The following TTC7B variants were observed in gnomAD, a reference collection of about 807,000 sequenced individuals.
TTC7B encodes the protein tetratricopeptide repeat domain 7B.
Under a neutral mutation model 106.8 loss-of-function variants are expected in TTC7B, and 28 were observed. That is an observed-to-expected ratio of 0.26 (90% CI 0.19 to 0.36). TTC7B has a LOEUF of 0.36. TTC7B is among the 10% of genes least tolerant of loss of function. The probability of loss-of-function intolerance (pLI) is 1.00; values close to 1 mark genes in which losing one functional copy is unlikely to be tolerated. For synonymous variants in TTC7B, 405 were observed against 430.6 expected (o/e 0.94, Z 0.74); for missense variants, 862 against 1,076.4 (o/e 0.80, Z 2.79).
chr14:90,727,283 T>A (rs933676314), intron 5 of TTC7B, among the ~76,000 whole-genome samples: 2 of 152,056 alleles, frequency 1.3e-5, no homozygotes, highest in African/African-American at 2.4e-5. Context: ...ATCCCTCCCA[T>A]CGACTCCATC....
At chr14:90,702,795 C>T (rs765973536) in intron 5 of TTC7B, among the ~76,000 whole-genome samples, 8 of 152,156 alleles carry the variant, frequency 5.3e-5, no homozygotes, top group Non-Finnish European at 1.0e-4. Flanking sequence ...GCCTTGTGGT[C>T]ACCCTCCTGG....
Position 90,659,845 on chromosome 14 carries a change from A to G in TTC7B, c.1153-1458T>C, listed in dbSNP as rs1162862072. Among the ~76,000 whole-genome samples the G allele has an allele frequency of 3.3e-5, 5 of 152,332 alleles. No homozygotes were observed. In the East Asian group the frequency reaches 9.6e-4, roughly 29 times the overall value. On this transcript the variant is annotated intron_variant, in intron 9 of 19. Coordinates refer to ENST00000328459, the MANE Select transcript of TTC7B (RefSeq NM_001010854.2). ...GAGGCAACTCAAGCCTCTCGCTAAC[A>G]TGAGCAGAACCAGCATGCAGAGTGA...
chr14:90,779,352 G>A (rs1007631595), intron 3 of TTC7B, among the ~76,000 whole-genome samples: 3 of 152,134 alleles, frequency 2.0e-5, no homozygotes, highest in African/African-American at 7.2e-5. Flanking sequence ...CGCACAGGCT[G>A]GAGTGCAATG....
chr14:90,709,953 G>A (rs1306980226), intron 5 of TTC7B, among the ~76,000 whole-genome samples: 17 of 73,666 alleles, frequency 2.3e-4, no homozygotes, highest in Admixed American at 1.6e-3. Flanking sequence ...TTTCTCTTTC[G>A]TTAAAAAAAA....
chr14:90,724,979 T>C (rs1384650073), intron 5 of TTC7B, among the ~76,000 whole-genome samples: 2 of 152,236 alleles, frequency 1.3e-5, no homozygotes, highest in East Asian at 3.8e-4. Flanking sequence ...TATGTCTTCA[T>C]CTTTTTTCTT....
intron 4 of TTC7B, among the ~76,000 whole-genome samples, chr14:90,736,585 G>A (rs191339014): frequency 6.6e-6 from 1 of 151,464 alleles, no homozygotes; most frequent in Non-Finnish European, 1.5e-5. Flanking sequence ...AAAAAAAGGG[G>A]GGGTGGGTAG....
intron 15 of TTC7B, among the ~76,000 whole-genome samples, chr14:90,628,110 C>T (rs774469648): frequency 5.9e-5 from 9 of 152,192 alleles, no homozygotes; most frequent in Non-Finnish European, 1.3e-4. Context: ...AAGTGAGGGG[C>T]CCAAAACCCG....
At chr14:90,669,427 G>C (rs976397080) in intron 9 of TTC7B, among the ~76,000 whole-genome samples, 2 of 152,046 alleles carry the variant, frequency 1.3e-5, no homozygotes, top group African/African-American at 4.8e-5. Flanking sequence ...AGCTGGGCAT[G>C]GTAGCTCATG....
At chr14:90,816,036 G>T (rs1398362717) in intron 1 of TTC7B, 139 bp downstream of exon 1, 23 of 945,392 alleles carry the variant, frequency 2.4e-5, no homozygotes, top group Non-Finnish European at 2.9e-5. Flanking sequence ...CCGGTCCCGC[G>T]CACATCCCCT....
At chr14:90,697,404 G>A (rs531726639) in intron 5 of TTC7B, 1 of 148,808 alleles carries the variant, frequency 6.7e-6, no homozygotes, top group South Asian at 2.1e-4. Context: ...GAGAGAGTGA[G>A]CTGGGAGCTT....
At chr14:90,551,705 G>C (rs980026269) in intron 19 of TTC7B, among the ~76,000 whole-genome samples, 2 of 152,180 alleles carry the variant, frequency 1.3e-5, no homozygotes, top group African/African-American at 2.4e-5. Flanking sequence ...GCTTTGAAAG[G>C]GTTTCCTTGG....
intron 3 of TTC7B, among the ~76,000 whole-genome samples, chr14:90,765,516 C>T (rs886789053): frequency 7.9e-5 from 12 of 152,108 alleles, no homozygotes; most frequent in African/African-American, 2.7e-4. Flanking sequence ...AAACAGAATT[C>T]CGGGAAGATG....
chr14:90,760,275 C>A (rs902232348), intron 3 of TTC7B, among the ~76,000 whole-genome samples: 104 of 152,198 alleles, frequency 6.8e-4, no homozygotes, highest in African/African-American at 2.5e-3. Flanking sequence ...AGGCAGGCAG[C>A]CTGGAGCAGA....
At chr14:90,794,371 C>A (rs1003725906) in intron 1 of TTC7B, among the ~76,000 whole-genome samples, 3 of 151,718 alleles carry the variant, frequency 2.0e-5, no homozygotes, top group Non-Finnish European at 2.9e-5. Context: ...GGACTACAGG[C>A]GCCTGCCACC....
chr14:90,699,310 G>A, intron 5 of TTC7B: 1 of 433,914 alleles, frequency 2.3e-6, no homozygotes, highest in Non-Finnish European at 4.6e-6. Context: ...GAGAAATTTG[G>A]GGACATGAGA....
chr14:90,646,733 G>A (rs751004639), intron 14 of TTC7B: 7 of 547,174 alleles, frequency 1.3e-5, no homozygotes, highest in Non-Finnish European at 2.0e-5. Context: ...TGGATTTAAT[G>A]TCCAATAGCA....
chr14:90,810,265 A>C (rs924423637), intron 1 of TTC7B, among the ~76,000 whole-genome samples: 5 of 152,194 alleles, frequency 3.3e-5, no homozygotes, highest in Non-Finnish European at 7.3e-5. Context: ...CCCAGTAAAC[A>C]TAACATGTTT....
intron 19 of TTC7B, among the ~76,000 whole-genome samples, chr14:90,566,903 C>A (rs1323212510): frequency 6.6e-6 from 1 of 152,136 alleles, no homozygotes; most frequent in Non-Finnish European, 1.5e-5. Context: ...TTGCTGAGGC[C>A]TCCGGGAGCC....
At chr14:90,647,368 G>A (rs1188008827) in intron 13 of TTC7B, 10 of 207,142 alleles carry the variant, frequency 4.8e-5, no homozygotes, top group South Asian at 1.0e-4. Flanking sequence ...GTGCTGGGAC[G>A]CAGTGAAGCC....
Sources: allele counts gnomAD v4.1 joint callset (sites outside exome capture counted in the v4.1 genomes callset), GRCh38; gene constraint gnomAD v4.1.1; transcripts MANE v1.5; gene names NCBI Gene and HGNC (gene_info 2026-07-23, HGNC 2026-07-21).